Variants in THAP4 observed in about 807,000 individuals in gnomAD.
THAP4 encodes peroxynitrite isomerase THAP4.
In THAP4, 18 loss-of-function variants were observed where a neutral mutation model predicts 48.1. The observed-to-expected ratio is 0.37, with a 90% CI of 0.26 to 0.56. The LOEUF is 0.56. Ranked by LOEUF, THAP4 falls within the 20% of genes least tolerant of loss-of-function variation. THAP4 has a pLI of 0.78. For synonymous variants in THAP4, 345 were observed against 324.9 expected, an observed-to-expected ratio of 1.06 and a Z score of -0.66; for missense variants, 656 against 774.9, an observed-to-expected ratio of 0.85 and a Z score of 1.82.
At position 241,626,614 on chromosome 2, in the gene THAP4, A is replaced by G. The variant is rs191329953; in HGVS notation, c.1240+6303T>C. ...AGTCTCGCTCTGTCACCCAGGATGG[A>G]GTGCAGTGGCGTGATCTCGACTCAC... On this transcript the variant is annotated intron_variant, in intron 2 of 5. Coordinates refer to ENST00000407315, the MANE Select transcript of THAP4 (RefSeq NM_015963.6). Among the ~76,000 whole-genome samples the G allele has an allele frequency of 7.6e-3, 1,155 of 151,422 alleles. 10 individuals are homozygous for G. Among genetic ancestry groups the G allele is most frequent in the Non-Finnish European group, 0.012 (822 of 67,844 alleles).
rs554960592 is a variant in THAP4, at chr2:241,594,589, AAAC to A, written c.1614+7304_1614+7306del. On this transcript the variant is annotated intron_variant, in intron 5 of 5. Transcript: ENST00000407315. ...AAAATACAAAAAACAAAACAAAACAAAACAACAACAACAACAACAAAAACCGGG... is the reference window on the plus strand; with the variant it reads ...AAAATACAAAAAACAAAACAAAACAAAACAACAACAACAACAAAAACCGGG... The A allele has an allele frequency of 7.7e-4, 275 of 357,580 alleles. 1 individual carries two copies. The highest frequency in any genetic ancestry group is 2.7e-3 in the African/African-American group (127 of 47,326). 22.2% of individuals were successfully genotyped at this position (357,580 alleles called of 1,614,324 possible).
At chr2:241,628,092 C>T (rs1436206449) in intron 2 of THAP4, among the ~76,000 whole-genome samples, 3 of 152,122 alleles carry the variant, frequency 2.0e-5, no homozygotes, top group African/African-American at 7.2e-5. Flanking sequence ...CCTGGGAGCA[C>T]ATCCAACCCC....
At chr2:241,623,510 C>T (rs973659937) in intron 2 of THAP4, among the ~76,000 whole-genome samples, 11 of 151,062 alleles carry the variant, frequency 7.3e-5, no homozygotes, top group African/African-American at 9.7e-5. Flanking sequence ...GCTCAGGAGG[C>T]GGAGGTTGCG....
At chr2:241,599,484 A>T (rs896354912) in intron 5 of THAP4, among the ~76,000 whole-genome samples, 4 of 152,212 alleles carry the variant, frequency 2.6e-5, no homozygotes, top group African/African-American at 9.6e-5. Flanking sequence ...ATCAATAATC[A>T]ATCTGAAGAT....
At chr2:241,631,077 C>T (rs369541992) in intron 2 of THAP4, among the ~76,000 whole-genome samples, 33 of 152,062 alleles carry the variant, frequency 2.2e-4, no homozygotes, top group African/African-American at 6.8e-4. Flanking sequence ...AATAAAATTC[C>T]AAGAGAAAAA....
At chr2:241,634,791 C>T (rs1389755739) in intron 1 of THAP4, among the ~76,000 whole-genome samples, 1 of 152,214 alleles carries the variant, frequency 6.6e-6, no homozygotes, top group Non-Finnish European at 1.5e-5. Flanking sequence ...CACTGCTCCC[C>T]ATCCTGGGGA....
At chr2:241,608,675 G>A (rs1054302656) in intron 2 of THAP4, among the ~76,000 whole-genome samples, 1 of 152,198 alleles carries the variant, frequency 6.6e-6, no homozygotes, top group African/African-American at 2.4e-5. Context: ...AGAAGCTGAC[G>A]GAACAGTCAT....
intron 2 of THAP4, among the ~76,000 whole-genome samples, chr2:241,619,948 CA>C (rs2067399954): frequency 1.9e-4 from 7 of 36,870 alleles, no homozygotes; most frequent in African/African-American, 3.5e-4. Context: ...GTGAGTGAGT[CA>C]TTGAGTGAGG....
chr2:241,637,401 G>T (rs2125104869), upstream of THAP4: 1 of 1,436,394 alleles, frequency 7.0e-7, no homozygotes, highest in Non-Finnish European at 9.2e-7. Flanking sequence ...GCTCGCCTCT[G>T]CCGCCTCGAC....
intron 1 of THAP4, among the ~76,000 whole-genome samples, chr2:241,636,700 C>A (rs2125103678): frequency 6.6e-6 from 1 of 152,082 alleles, no homozygotes; most frequent in East Asian, 1.9e-4. Flanking sequence ...TAGGCGCCGG[C>A]CGGATCGATC....
At chr2:241,620,001 CA>C (rs2067401689) in intron 2 of THAP4, among the ~76,000 whole-genome samples, 2 of 36,842 alleles carry the variant, frequency 5.4e-5, no homozygotes, top group Non-Finnish European at 4.8e-5. Context: ...GTGAGTGAGT[CA>C]GTGAGTGAGG....
intron 2 of THAP4, among the ~76,000 whole-genome samples, chr2:241,632,441 A>C (rs1200933146): frequency 6.6e-6 from 1 of 152,140 alleles, no homozygotes; most frequent in Non-Finnish European, 1.5e-5. Flanking sequence ...AATAATTATT[A>C]ATGTTCATGA....
intron 2 of THAP4, among the ~76,000 whole-genome samples, chr2:241,607,524 G>C (rs1169200072): frequency 1.3e-5 from 2 of 151,552 alleles, no homozygotes; most frequent in African/African-American, 2.4e-5. Flanking sequence ...TAACCCTCAA[G>C]TCTCAGTGCT....
intron 5 of THAP4, among the ~76,000 whole-genome samples, chr2:241,585,912 C>CAAAAAAAAAAAAAAAAAAA (rs1175852721): frequency 1.3e-3 from 38 of 28,238 alleles, no homozygotes; most frequent in East Asian, 4.0e-3. Context: ...GACTCCTTCT[C>CAAAAAAAAAAAAAAAAAAA]AAAAAAAAAA....
chr2:241,631,286 A>G (rs2067557409), intron 2 of THAP4, among the ~76,000 whole-genome samples: 1 of 152,160 alleles, frequency 6.6e-6, no homozygotes, highest in Admixed American at 6.6e-5. Context: ...TCATATACTT[A>G]TTGACAAGCA....
At position 241,601,932 on chromosome 2, in the gene THAP4, G is replaced by A. The variant is rs2067118474; in HGVS notation, c.1578C>T (p.Ala526=). Residue 526 remains alanine (A), a synonymous_variant, in exon 5 of 6, where the codon GCC becomes GCT. Coordinates refer to ENST00000407315, the MANE Select transcript of THAP4 (RefSeq NM_015963.6). The surrounding 1 kb of genome is among the most constrained non-coding windows in gnomAD (Gnocchi z 4.0). ...GGGGCTCCTTGGCGAAGGAGATCCT[G>A]GCGATGGAGTGGGATGCGATGCACA... The part of the protein sequence containing the change: ...QELCIASHSI[A]RISFAKEPHV... 2.5e-6 allele frequency: 4 copies of A among 1,613,594 alleles called. No homozygotes were observed. Among genetic ancestry groups the A allele is most frequent in the Non-Finnish European group, 3.4e-6 (4 of 1,180,038 alleles).
chr2:241,604,778 G>A (rs984706549), intron 3 of THAP4, among the ~76,000 whole-genome samples: 3 of 151,814 alleles, frequency 2.0e-5, no homozygotes, highest in Admixed American at 6.6e-5. Flanking sequence ...GGCTGGTCTT[G>A]GACTCCTGGA....
At chr2:241,597,933 T>A (rs2067068836) in intron 5 of THAP4, among the ~76,000 whole-genome samples, 1 of 146,880 alleles carries the variant, frequency 6.8e-6, no homozygotes, top group African/African-American at 2.5e-5. Flanking sequence ...TTTGTTAAAT[T>A]AATAAAACCC....
chr2:241,627,395 AT>A (rs1311607080), intron 2 of THAP4, among the ~76,000 whole-genome samples: 4 of 152,254 alleles, frequency 2.6e-5, no homozygotes, highest in Non-Finnish European at 5.9e-5. Flanking sequence ...AAGAACGTTT[AT>A]AACTCAGTGG....
Sources: allele counts gnomAD v4.1 joint callset (sites outside exome capture counted in the v4.1 genomes callset), GRCh38; gene constraint gnomAD v4.1.1; non-coding constraint Gnocchi (gnomAD v3.1); transcripts MANE v1.5; gene names NCBI Gene and HGNC (gene_info 2026-07-23, HGNC 2026-07-21).